WDR59: variants seen among roughly 807,000 people sequenced by gnomAD.
The protein encoded by WDR59 is WD repeat domain 59.
In WDR59, 100 loss-of-function variants were observed where a neutral mutation model predicts 131.2. The ratio of observed to expected loss-of-function variants is 0.76; its 90% CI spans 0.65 to 0.90. The LOEUF (loss-of-function observed/expected upper bound fraction) is 0.90, where lower values mean the gene tolerates loss of function less well. Ranked by LOEUF, WDR59 falls within the 40% of genes least tolerant of loss-of-function variation. The pLI, the probability that WDR59 is intolerant of heterozygous loss-of-function variation, is 0.00. For synonymous variants in WDR59, 601 were observed against 466.2 expected, an observed-to-expected ratio of 1.29 and a Z score of -3.72; for missense variants, 1,203 against 1,262.2, an observed-to-expected ratio of 0.95 and a Z score of 0.71.
chr16:74,880,189 T>C lies in WDR59; in HGVS notation c.2689+5464A>G, dbSNP rs372427691. ...ACGGCCGGGTGCAGTGGCTCACGCC[T>C]GTAATCCCAGCACTTTGGGAGGCCG... On this transcript the variant is annotated intron_variant, in intron 25 of 25. Coordinates refer to ENST00000262144, the MANE Select transcript of WDR59 (RefSeq NM_030581.4). 2.6e-4 allele frequency among the ~76,000 whole-genome samples: 40 copies of C among 152,302 alleles called. No homozygotes were observed. In the East Asian group the frequency reaches 7.5e-3, roughly 29 times the overall value.
chr16:74,951,337 C>A, intron 4 of WDR59, 121 bp downstream of exon 4: 2 of 952,442 alleles, frequency 2.1e-6, no homozygotes, highest in Non-Finnish European at 1.6e-6. Context: ...ACCCGCTGAC[C>A]ACCCGGGACC....
intron 23 of WDR59, among the ~76,000 whole-genome samples, chr16:74,886,891 C>T (rs1567688269): frequency 6.6e-6 from 1 of 152,106 alleles, no homozygotes; most frequent in Non-Finnish European, 1.5e-5. Context: ...CCATTGCACT[C>T]CAGCCTGGCG....
At chr16:74,877,157 T>C (rs1346058710) in intron 25 of WDR59, among the ~76,000 whole-genome samples, 1 of 152,174 alleles carries the variant, frequency 6.6e-6, no homozygotes, top group Non-Finnish European at 1.5e-5. Flanking sequence ...GGTGAGGGTA[T>C]TGTCTTACTG....
chr16:74,886,177 C>CAAAAAA lies in WDR59; in HGVS notation c.2546+87_2546+92dup, dbSNP rs777732079. 108 of 1,018,756 alleles carry CAAAAAA rather than the reference C, an allele frequency of 1.1e-4. No homozygotes were observed. In the Middle Eastern group the frequency reaches 2.5e-3, roughly 24 times the overall value. 63.1% of individuals were successfully genotyped at this position (1,018,756 alleles called of 1,614,324 possible). On this transcript the variant is annotated intron_variant, in intron 24 of 25. Coordinates refer to ENST00000262144, the MANE Select transcript of WDR59 (RefSeq NM_030581.4). ...TAGTGACCGGGTAAGATTCTGTGTC[C>CAAAAAA]AAAAAAAAAAAAAGTAAGAGTTGTG...
In WDR59 at chr16:74,924,107, A is replaced by G. The variant is rs1482606289; in HGVS notation, c.652-104T>C. The stretch of plus-strand genomic sequence containing the variant: ...TCATTGCTTCTGGTCCTCTAAAGAT[A>G]CACTTCAACAACATATTTTTAGTTC... On this transcript the variant is annotated intron_variant, in intron 8 of 25. Coordinates refer to ENST00000262144, the MANE Select transcript of WDR59 (RefSeq NM_030581.4). 2.7e-6 allele frequency: 3 copies of G among 1,092,122 alleles called. No homozygotes were observed. In the African/African-American group the frequency reaches 4.7e-5, roughly 17 times the overall value. The allele number at this position is 1,092,122 out of a possible 1,614,324, so 67.7% of individuals were successfully genotyped here. A position where few individuals can be genotyped will look rare whatever the true frequency, so the allele number is the denominator to read the frequency against.
chr16:74,936,495 G>C (rs1033147856), intron 8 of WDR59, among the ~76,000 whole-genome samples: 5 of 151,942 alleles, frequency 3.3e-5, no homozygotes, highest in African/African-American at 1.2e-4. Flanking sequence ...TCTGGTTCCT[G>C]AACTTGGGAG....
rs1326059881 is a variant in WDR59, at chr16:74,891,824, T to A, written c.2082+660A>T. Among the ~76,000 whole-genome samples the A allele has an allele frequency of 2.6e-5, 4 of 152,176 alleles. No homozygotes were observed. The South Asian group carries it at 8.3e-4, about 31-fold the overall frequency. On this transcript the variant is annotated intron_variant, in intron 20 of 25. Coordinates refer to ENST00000262144, the MANE Select transcript of WDR59 (RefSeq NM_030581.4). ...CTATAATCCCCGCTACTCGGGAGGC[T>A]GAGGCAGGAGAATCGCTTGAACCCG...
rs373758287 is a variant in WDR59, at chr16:74,921,933, C to A, written c.886+14G>T. On this transcript the variant is annotated intron_variant, in intron 10 of 25. Transcript: ENST00000262144. Reference sequence around the variant, plus strand: ...GCTCAGAAGGAAAGTGGGCAGCAGGCCTCTCCCACTCACCTTCCTTCTGCT... The same window carrying A: ...GCTCAGAAGGAAAGTGGGCAGCAGGACTCTCCCACTCACCTTCCTTCTGCT... 6.2e-7 allele frequency: 1 copy of A among 1,612,192 alleles called. No individual in the cohort carries two copies. The highest frequency in any genetic ancestry group is 1.1e-5 in the South Asian group (1 of 90,656).
At chr16:74,913,078 G>T (rs952847474) in intron 13 of WDR59, among the ~76,000 whole-genome samples, 10 of 151,902 alleles carry the variant, frequency 6.6e-5, no homozygotes, top group African/African-American at 9.7e-5. Context: ...TTTGGGGGGG[G>T]GGGGGGCCTG....
intron 1 of WDR59, among the ~76,000 whole-genome samples, chr16:74,967,772 T>A (rs140395089): frequency 6.0e-5 from 9 of 149,354 alleles, no homozygotes; most frequent in Admixed American, 2.7e-4. Flanking sequence ...GGCAGGAGAA[T>A]CACTTGACCC....
chr16:74,892,014 A>T (rs1965068637), intron 20 of WDR59, among the ~76,000 whole-genome samples: 1 of 152,216 alleles, frequency 6.6e-6, no homozygotes, highest in Admixed American at 6.5e-5. Context: ...TAAGCCGTTT[A>T]AAAAAATACA....
At chr16:74,940,791 C>T (rs112244337) in intron 7 of WDR59, among the ~76,000 whole-genome samples, 81 of 152,100 alleles carry the variant, frequency 5.3e-4, no homozygotes, top group African/African-American at 1.8e-3. Context: ...CTGCAAGCTC[C>T]GCCTCCCGGG....
intron 13 of WDR59, among the ~76,000 whole-genome samples, chr16:74,913,893 G>C (rs1966231134): frequency 6.6e-6 from 1 of 152,136 alleles, no homozygotes; most frequent in African/African-American, 2.4e-5. Context: ...ACCCACAACA[G>C]CCAGATTATA....
At chr16:74,916,840 C>G (rs949919239) in intron 11 of WDR59, among the ~76,000 whole-genome samples, 4 of 138,226 alleles carry the variant, frequency 2.9e-5, no homozygotes, top group African/African-American at 5.3e-5. Context: ...GCCTGGGCAA[C>G]AGAGAGAGAC....
At chr16:74,902,244 C>CTT (rs1239418021) in intron 18 of WDR59, among the ~76,000 whole-genome samples, 1 of 152,048 alleles carries the variant, frequency 6.6e-6, no homozygotes, top group Non-Finnish European at 1.5e-5. Context: ...TGAAATAAAA[C>CTT]ATAAAAGGCC....
intron 13 of WDR59, among the ~76,000 whole-genome samples, chr16:74,915,127 A>T (rs2144960771): frequency 6.6e-6 from 1 of 152,314 alleles, no homozygotes; most frequent in East Asian, 1.9e-4. Flanking sequence ...AGCCTGTGAG[A>T]GAAGATGGCA....
rs556800904 is a variant in WDR59, at chr16:74,884,539, G to A, written c.2689+1114C>T. Reference sequence around the variant, plus strand: ...AATTTCGTATTTTTAGTAGAGACGGGGTTTCACCATGTTGGCCAGGCTGGT... The same window carrying A: ...AATTTCGTATTTTTAGTAGAGACGGAGTTTCACCATGTTGGCCAGGCTGGT... On this transcript the variant is annotated intron_variant, in intron 25 of 25. Transcript: ENST00000262144. Among the ~76,000 whole-genome samples, 10 of 152,266 alleles carry A rather than the reference G, an allele frequency of 6.6e-5. 3 individuals are homozygous for A. Among genetic ancestry groups the A allele is most frequent in the African/African-American group, 2.4e-4 (10 of 41,550 alleles).
intron 10 of WDR59, among the ~76,000 whole-genome samples, chr16:74,920,190 A>G (rs1473222478): frequency 6.6e-6 from 1 of 152,154 alleles, no homozygotes; most frequent in Non-Finnish European, 1.5e-5. Context: ...TCAACTTACA[A>G]TTTTTTGACT....
intron 2 of WDR59, chr16:74,962,817 C>G (rs1313052868): frequency 6.8e-6 from 1 of 146,588 alleles, no homozygotes; most frequent in Non-Finnish European, 1.5e-5. Context: ...CATTATTTCT[C>G]TTGCCTGATT....
Sources: allele counts gnomAD v4.1 joint callset (sites outside exome capture counted in the v4.1 genomes callset), GRCh38; gene constraint gnomAD v4.1.1; transcripts MANE v1.5; gene names NCBI Gene and HGNC (gene_info 2026-07-23, HGNC 2026-07-21).